Variants in ARHGEF28 observed in about 807,000 individuals in gnomAD.
ARHGEF28 encodes 190 kDa guanine nucleotide exchange factor.
ARHGEF28 carries 152 observed loss-of-function variants against 206.6 expected under a neutral mutation model. The ratio of observed to expected loss-of-function variants is 0.74; its 90% CI spans 0.64 to 0.84. ARHGEF28 has a LOEUF of 0.84. ARHGEF28 is among the 40% of genes least tolerant of loss of function. The pLI is 0.00. For missense variants in ARHGEF28, 2,028 were observed against 2,073.2 expected (o/e 0.98, Z 0.42); for synonymous variants, 763 against 776.4 (o/e 0.98, Z 0.29).
intron 2 of ARHGEF28, among the ~76,000 whole-genome samples, chr5:73,700,048 A>G (rs1001996383): frequency 2.5e-4 from 38 of 152,216 alleles, no homozygotes; most frequent in Admixed American, 6.5e-5. Context: ...ACCCACTCCC[A>G]TTCAATGTTC....
At chr5:73,648,409 C>T (rs1478577558) in intron 1 of ARHGEF28, among the ~76,000 whole-genome samples, 1 of 152,104 alleles carries the variant, frequency 6.6e-6, no homozygotes, top group African/African-American at 2.4e-5. Flanking sequence ...GGAAATATGC[C>T]ATTTCTAGGA....
Position 73,789,328 on chromosome 5 carries a change from A to G in ARHGEF28, c.911-5074A>G, listed in dbSNP as rs1024184330. On this transcript the variant is annotated intron_variant, in intron 7 of 35. Transcript: ENST00000513042. ...TTGTGCAATTCAATTTATATGAAAT[A>G]TCCAGAATAGGCAATTCTGTTGAGA... Among the ~76,000 whole-genome samples the G allele has an allele frequency of 3.3e-5, 5 of 152,238 alleles. No individual in the cohort carries two copies. The South Asian group carries it at 1.0e-3, about 31-fold the overall frequency.
chr5:73,892,297 T>C, intron 27 of ARHGEF28, 67 bp downstream of exon 27: 1 of 1,489,784 alleles, frequency 6.7e-7, no homozygotes, highest in Non-Finnish European at 9.0e-7. Context: ...ATTCTAACCA[T>C]GTCTTCCTGC....
rs770494530 is a variant in ARHGEF28 at position 73,849,019 on chromosome 5, C to T, written c.1679C>T (p.Ser560Leu). ...SGVRSRSYSC[S>L]SPKISLGKTR... ...GTTCGCTCACGTTCTTATTCTTGCT[C>T]ATCACCCAAAATTTCTTTAGGAAAA... is the stretch of plus-strand genomic sequence containing the variant. The change falls in exon 13 of 36, where the codon TCA becomes TTA. Residue 560 changes from serine (S) to leucine (L), a missense_variant. Coordinates refer to ENST00000513042, the MANE Select transcript of ARHGEF28 (RefSeq NM_001177693.2). 1.3e-5 allele frequency: 20 copies of T among 1,580,250 alleles called. No individual in the cohort carries two copies. In the South Asian group the frequency reaches 1.3e-4, roughly 10 times the overall value.
intron 2 of ARHGEF28, among the ~76,000 whole-genome samples, chr5:73,739,831 A>AT (rs1340402575): frequency 1.6e-5 from 1 of 63,596 alleles, no homozygotes; most frequent in Non-Finnish European, 3.2e-5. Context: ...AATAATAAAA[A>AT]TAAATAAATA....
At position 73,824,571 on chromosome 5, in the gene ARHGEF28, C is replaced by T. The variant is rs549456783; in HGVS notation, c.1025-7767C>T. Among the ~76,000 whole-genome samples the T allele has an allele frequency of 7.9e-5, 12 of 151,742 alleles. No homozygotes were observed. In the South Asian group the frequency reaches 1.7e-3, roughly 21 times the overall value. ...TGCAACCTCTGCCTCCCAGGTCAAG[C>T]GATTCTCCTGCCTCAGCTGCCTGAG... On this transcript the variant is annotated intron_variant, in intron 9 of 35. Transcript: ENST00000513042.
rs900205337 is a variant in ARHGEF28 at position 73,909,673 on chromosome 5, C to T, written c.4423C>T (p.Arg1475Trp). The T allele has an allele frequency of 7.8e-6, 12 of 1,540,042 alleles. No individual in the cohort carries two copies. Among genetic ancestry groups the T allele is most frequent in the Non-Finnish European group, 9.6e-6 (11 of 1,141,856 alleles). ...QATRESWLQE[R>W]ERECQSQEEL... ...GACCAGGGAGAGCTGGCTGCAGGAG[C>T]GGGAGCGGGAGTGCCAGTCGCAGGA... The change falls in exon 34 of 36, where the codon CGG becomes TGG. Residue 1475 changes from arginine to tryptophan, a missense_variant. Coordinates refer to ENST00000513042, the MANE Select transcript of ARHGEF28 (RefSeq NM_001177693.2).
At chr5:73,927,920 G>A (rs895043516) in intron 35 of ARHGEF28, among the ~76,000 whole-genome samples, 1 of 152,258 alleles carries the variant, frequency 6.6e-6, no homozygotes, top group South Asian at 2.1e-4. Context: ...AGTGACAAAC[G>A]CAAGGCTGTG....
At chr5:73,833,698 G>C (rs940226482) in intron 10 of ARHGEF28, among the ~76,000 whole-genome samples, 2 of 152,132 alleles carry the variant, frequency 1.3e-5, no homozygotes, top group African/African-American at 4.8e-5. Flanking sequence ...AATTTCTAAA[G>C]AAAAGAGGTT....
At chr5:73,756,293 T>C (rs1173809387) in intron 4 of ARHGEF28, among the ~76,000 whole-genome samples, 3 of 152,254 alleles carry the variant, frequency 2.0e-5, no homozygotes, top group Non-Finnish European at 2.9e-5. Context: ...TATGTACTTA[T>C]ATGTGCATAG....
chr5:73,644,360 T>G (rs1363091), intron 1 of ARHGEF28, among the ~76,000 whole-genome samples: 27,784 of 152,250 alleles, frequency 0.18, 3,053 homozygotes, highest in Non-Finnish European at 0.25. Context: ...CTCTGGGTTA[T>G]TGTGATGATT....
intron 4 of ARHGEF28, among the ~76,000 whole-genome samples, chr5:73,767,058 A>G (rs2339610): frequency 0.068 from 10,367 of 152,188 alleles, 1,127 homozygotes; most frequent in African/African-American, 0.23. Context: ...TTTTTAAAAT[A>G]GGAGTTTCCC....
chr5:73,732,330 C>T (rs564656302), intron 2 of ARHGEF28, among the ~76,000 whole-genome samples: 26 of 151,960 alleles, frequency 1.7e-4, no homozygotes, highest in Admixed American at 7.2e-4. Flanking sequence ...GTAACTTGTT[C>T]AGATCAGCTT....
chr5:73,839,905 G>C (rs998882912), intron 10 of ARHGEF28, among the ~76,000 whole-genome samples: 3 of 152,100 alleles, frequency 2.0e-5, no homozygotes, highest in Non-Finnish European at 4.4e-5. Context: ...AGATTCCTAT[G>C]AGCTACTTTT....
At chr5:73,663,061 T>A (rs1745709441) in intron 1 of ARHGEF28, among the ~76,000 whole-genome samples, 2 of 152,218 alleles carry the variant, frequency 1.3e-5, no homozygotes, top group African/African-American at 2.4e-5. Flanking sequence ...GTTCAAGCGA[T>A]TACCCTGCCT....
At chr5:73,691,332 C>T (rs1272545346) in intron 2 of ARHGEF28, among the ~76,000 whole-genome samples, 1 of 151,898 alleles carries the variant, frequency 6.6e-6, no homozygotes, top group Non-Finnish European at 1.5e-5. Context: ...CATGATATTT[C>T]ATAAGGAATT....
chr5:73,789,577 T>G (rs891594531), intron 7 of ARHGEF28, among the ~76,000 whole-genome samples: 64 of 152,218 alleles, frequency 4.2e-4, no homozygotes, highest in African/African-American at 1.4e-3. Flanking sequence ...GAATTATACC[T>G]TAATAAAGCT....
At chr5:73,901,045 A>G (rs780218050) in intron 30 of ARHGEF28, 139 bp from the exon 31 acceptor site, 2 of 653,090 alleles carry the variant, frequency 3.1e-6, no homozygotes, top group Admixed American at 2.4e-5. Flanking sequence ...CAAGCACCTC[A>G]TCTAAGAATA....
intron 2 of ARHGEF28, among the ~76,000 whole-genome samples, chr5:73,731,580 A>G (rs1246063564): frequency 6.6e-6 from 1 of 152,118 alleles, no homozygotes; most frequent in African/African-American, 2.4e-5. Flanking sequence ...CTTCTCTTTT[A>G]GTTGTTTTTG....
Sources: gnomAD v4.1 joint callset for allele counts (sites outside exome capture counted in the v4.1 genomes callset) on GRCh38, gnomAD v4.1.1 for gene constraint, MANE v1.5 for transcripts, NCBI Gene and HGNC (gene_info 2026-07-23, HGNC 2026-07-21) for gene names.